ATXN1: variants seen among roughly 807,000 people sequenced by gnomAD.
ATXN1 encodes ataxin-1.
In ATXN1, 8 loss-of-function variants were observed where a neutral mutation model predicts 56.4. The observed-to-expected ratio is 0.14, with a 90% CI of 0.08 to 0.26. The LOEUF (loss-of-function observed/expected upper bound fraction) is 0.26, where lower values mean the gene tolerates loss of function less well. Among genes scored for constraint, ATXN1 ranks in the 10% least tolerant of loss-of-function variants. The probability of loss-of-function intolerance (pLI) is 1.00; values close to 1 mark genes in which losing one functional copy is unlikely to be tolerated. For synonymous variants in ATXN1, 514 were observed against 494.6 expected (o/e 1.04, Z -0.52); for missense variants, 987 against 1,106.5 (o/e 0.89, Z 1.53).
At chr6:16,632,677 AT>A (rs1347402711) in intron 3 of ATXN1, among the ~76,000 whole-genome samples, 4 of 151,440 alleles carry the variant, frequency 2.6e-5, no homozygotes, top group Admixed American at 6.6e-5. Context: ...GAAAAAAAAA[AT>A]GCAAAAAACA....
intron 4 of ATXN1, among the ~76,000 whole-genome samples, chr6:16,575,019 AT>A (rs1205398706): frequency 6.6e-6 from 1 of 151,844 alleles, no homozygotes; most frequent in Non-Finnish European, 1.5e-5. Flanking sequence ...TTAGAGTGAG[AT>A]TATGCCTTTT....
At chr6:16,395,559 T>C (rs1391716876) in intron 6 of ATXN1, among the ~76,000 whole-genome samples, 2 of 152,196 alleles carry the variant, frequency 1.3e-5, no homozygotes, top group African/African-American at 2.4e-5. Context: ...GATGCTGGTA[T>C]ATATAAACGT....
intron 6 of ATXN1, among the ~76,000 whole-genome samples, chr6:16,365,784 A>T (rs559518867): frequency 1.6e-4 from 24 of 152,340 alleles, no homozygotes; most frequent in East Asian, 3.9e-4. Context: ...CCTCATTTTT[A>T]AAAAATTACC....
At chr6:16,462,276 C>A (rs1320732228) in intron 6 of ATXN1, among the ~76,000 whole-genome samples, 3 of 152,014 alleles carry the variant, frequency 2.0e-5, no homozygotes, top group Admixed American at 2.0e-4. Context: ...CTTTGGACAC[C>A]CCCTGAAGAA....
chr6:16,447,102 G>T (rs1759651468), intron 6 of ATXN1, among the ~76,000 whole-genome samples: 1 of 152,202 alleles, frequency 6.6e-6, no homozygotes, highest in South Asian at 2.1e-4. Flanking sequence ...ATCACTAGAA[G>T]CCAGAGGCTT....
intron 2 of ATXN1, among the ~76,000 whole-genome samples, chr6:16,721,731 T>C (rs911671418): frequency 1.3e-5 from 2 of 152,198 alleles, no homozygotes; most frequent in Non-Finnish European, 2.9e-5. Context: ...TTGAATAAAA[T>C]AGGTAGCTTA....
intron 3 of ATXN1, among the ~76,000 whole-genome samples, chr6:16,623,565 A>G (rs1763356303): frequency 6.6e-6 from 1 of 152,252 alleles, no homozygotes; most frequent in Non-Finnish European, 1.5e-5. Context: ...GTAATCACAT[A>G]TTGCTGGCTC....
intron 3 of ATXN1, among the ~76,000 whole-genome samples, chr6:16,622,589 A>T (rs1763337962): frequency 6.6e-6 from 1 of 152,244 alleles, no homozygotes; most frequent in Non-Finnish European, 1.5e-5. Context: ...ATCATTCAAG[A>T]AAAGCTTCTC....
At chr6:16,608,535 G>A (rs570116422) in intron 3 of ATXN1, among the ~76,000 whole-genome samples, 1 of 152,258 alleles carries the variant, frequency 6.6e-6, no homozygotes, top group African/African-American at 2.4e-5. Flanking sequence ...GTAGGAGAGC[G>A]CCTGCAAGGA....
intron 7 of ATXN1, among the ~76,000 whole-genome samples, chr6:16,320,107 G>A (rs1009222091): frequency 6.6e-6 from 1 of 152,132 alleles, no homozygotes; most frequent in Admixed American, 6.5e-5. Flanking sequence ...TGGCTGCAAA[G>A]GGACTGACTC....
intron 2 of ATXN1, among the ~76,000 whole-genome samples, chr6:16,727,152 T>C (rs890048197): frequency 6.6e-6 from 1 of 152,186 alleles, no homozygotes; most frequent in Non-Finnish European, 1.5e-5. Context: ...CTTTCTCTCC[T>C]CTAGTAAATT....
intron 3 of ATXN1, among the ~76,000 whole-genome samples, chr6:16,652,586 A>G (rs1758088000): frequency 1.3e-5 from 2 of 152,094 alleles, no homozygotes; most frequent in African/African-American, 4.8e-5. Flanking sequence ...TTACTCCTCC[A>G]CCTGACATCC....
intron 3 of ATXN1, among the ~76,000 whole-genome samples, chr6:16,614,496 A>G (rs1006910979): frequency 1.9e-4 from 29 of 151,670 alleles, no homozygotes; most frequent in Non-Finnish European, 3.5e-4. Flanking sequence ...GCGGCCAAAA[A>G]GGTTTTCTCT....
chr6:16,402,813 T>A (rs1342731871), intron 6 of ATXN1, among the ~76,000 whole-genome samples: 1 of 152,200 alleles, frequency 6.6e-6, no homozygotes, highest in Non-Finnish European at 1.5e-5. Context: ...GCAAGGCTGC[T>A]TGGCTGAAGA....
intron 2 of ATXN1, among the ~76,000 whole-genome samples, chr6:16,697,563 T>C (rs1759189608): frequency 6.6e-6 from 1 of 152,128 alleles, no homozygotes; most frequent in Non-Finnish European, 1.5e-5. Flanking sequence ...AGATCTTTTT[T>C]TTCCTATGCT....
chr6:16,509,387 G>T (rs1185604466), intron 5 of ATXN1, among the ~76,000 whole-genome samples: 3 of 152,184 alleles, frequency 2.0e-5, no homozygotes, highest in Non-Finnish European at 4.4e-5. Flanking sequence ...AAGAAGACCG[G>T]CATACTATGT....
intron 5 of ATXN1, among the ~76,000 whole-genome samples, chr6:16,521,536 C>T (rs1201694899): frequency 5.3e-5 from 8 of 152,116 alleles, no homozygotes; most frequent in Admixed American, 2.0e-4. Flanking sequence ...CCAGCCTGGG[C>T]GACAGAGGGA....
intron 7 of ATXN1, among the ~76,000 whole-genome samples, chr6:16,321,890 T>C (rs775001080): frequency 1.4e-4 from 21 of 152,156 alleles, no homozygotes; most frequent in Admixed American, 4.6e-4. Context: ...AGTGAAGCAT[T>C]AAAAAACGGA....
At chr6:16,503,254 G>T (rs988692055) in intron 5 of ATXN1, among the ~76,000 whole-genome samples, 1 of 152,196 alleles carries the variant, frequency 6.6e-6, no homozygotes, top group African/African-American at 2.4e-5. Context: ...GAGGTTGGGA[G>T]ACTGAGAAAT....
Sources: gnomAD v4.1 joint callset for allele counts (sites outside exome capture counted in the v4.1 genomes callset) on GRCh38, gnomAD v4.1.1 for gene constraint, MANE v1.5 for transcripts, NCBI Gene and HGNC (gene_info 2026-07-23, HGNC 2026-07-21) for gene names.